The following USP25 variants were observed in gnomAD, a reference collection of about 807,000 sequenced individuals.
USP25 encodes the protein ubiquitin specific peptidase 25, also known as ubiquitin carboxyl-terminal hydrolase 25.
Under a neutral mutation model 158.5 loss-of-function variants are expected in USP25, and 85 were observed. That is an observed-to-expected ratio of 0.54 (90% confidence interval 0.45 to 0.64). The LOEUF is 0.64. Among genes scored for constraint, USP25 ranks in the 30% least tolerant of loss-of-function variants. The pLI is 0.00. For missense variants in USP25, 1,242 were observed against 1,327.3 expected (o/e 0.94, Z 1.00); for synonymous variants, 464 against 460.4 (o/e 1.01, Z -0.10).
At chr21:15,799,056 C>T (rs2036001469) in intron 5 of USP25, among the ~76,000 whole-genome samples, 2 of 151,122 alleles carry the variant, frequency 1.3e-5, no homozygotes, top group South Asian at 4.1e-4. Context: ...CAAGAAAATA[C>T]TCTGATGTAT....
intron 2 of USP25, among the ~76,000 whole-genome samples, chr21:15,763,719 GTTCT>G (rs1203450062): frequency 3.3e-5 from 5 of 152,092 alleles, no homozygotes; most frequent in African/African-American, 2.4e-5. Context: ...CAAGCCTAGA[GTTCT>G]TTATTTGTTT....
intron 10 of USP25, among the ~76,000 whole-genome samples, chr21:15,820,419 T>G (rs1235116488): frequency 6.6e-6 from 1 of 151,958 alleles, no homozygotes; most frequent in Non-Finnish European, 1.5e-5. Context: ...GCCCCTATGT[T>G]GCAATATAAA....
Position 15,866,513 on chromosome 21 carries a change from G to A in USP25, c.2805+169G>A, listed in dbSNP as rs142310828. 1.8e-4 allele frequency among the ~76,000 whole-genome samples: 28 copies of A among 152,072 alleles called. No individual in the cohort carries two copies. In the East Asian group the frequency reaches 5.4e-3, roughly 29 times the overall value. On this transcript the variant is annotated intron_variant, in intron 22 of 25. Coordinates refer to ENST00000400183, the MANE Select transcript of USP25 (RefSeq NM_001283041.3). Reference sequence around the variant, plus strand: ...TTAATAATTTTATATGTGATTTTAGGATTAACATGATATGATAGCATGTAG... The same window carrying A: ...TTAATAATTTTATATGTGATTTTAGAATTAACATGATATGATAGCATGTAG...
chr21:15,784,124 A>C (rs1005542081), intron 4 of USP25, among the ~76,000 whole-genome samples: 2 of 152,242 alleles, frequency 1.3e-5, no homozygotes, highest in African/African-American at 4.8e-5. Flanking sequence ...TGAAAATACA[A>C]AACTCATCAA....
At chr21:15,842,569 CA>C in intron 18 of USP25, 29 bp downstream of exon 18, 1 of 1,610,014 alleles carries the variant, frequency 6.2e-7, no homozygotes, top group Non-Finnish European at 8.5e-7. Flanking sequence ...GCTCTCTGAA[CA>C]TAGCCATGGT....
At position 15,780,230 on chromosome 21, in the gene USP25, A is replaced by T. The variant is rs73892534; in HGVS notation, c.392+2203A>T. 8.9e-3 allele frequency among the ~76,000 whole-genome samples: 1,361 copies of T among 152,310 alleles called. 19 individuals are homozygous for T. Among genetic ancestry groups the T allele is most frequent in the African/African-American group, 0.03 (1,259 of 41,576 alleles). On this transcript the variant is annotated intron_variant, in intron 4 of 25. Transcript: ENST00000400183. The stretch of plus-strand genomic sequence containing the variant: ...ATGTGAAGTTACACATTAGGATACT[A>T]CATTGTGTGTAATTTGATGAGATAA...
intron 1 of USP25, among the ~76,000 whole-genome samples, chr21:15,738,710 C>T (rs929258792): frequency 6.6e-6 from 1 of 151,988 alleles, no homozygotes; most frequent in Admixed American, 6.6e-5. Context: ...TGTCTTATGC[C>T]CAATTTCTGC....
chr21:15,826,923 G>T lies in USP25; in HGVS notation c.1467-54G>T. 4 of 1,581,234 alleles carry T rather than the reference G, an allele frequency of 2.5e-6. No homozygotes were observed. Among genetic ancestry groups the T allele is most frequent in the East Asian group, 2.2e-5 (1 of 44,634 alleles). On this transcript the variant is annotated intron_variant, in intron 13 of 25. Coordinates refer to ENST00000400183, the MANE Select transcript of USP25 (RefSeq NM_001283041.3). The surrounding 1 kb of genome is among the most constrained non-coding windows in gnomAD (Gnocchi z 4.8). ...ATACTGTGGGTTTGGCACGATCTTT[G>T]TCAAGAGTTTCAGCTTGAAAGGTTA...
rs772685606 is a variant in USP25, at chr21:15,861,731, C to T, written c.2548-2537C>T. On this transcript the variant is annotated intron_variant, in intron 20 of 25. Transcript: ENST00000400183. The stretch of plus-strand genomic sequence containing the variant: ...AATGTTTTTTTGTATGTTTGAAAAA[C>T]AGCTTCTAGAAATTTAGAAGGTAAT... Among the ~76,000 whole-genome samples the T allele has an allele frequency of 6.4e-4, 98 of 152,010 alleles. 1 individual carries two copies. Among genetic ancestry groups the T allele is most frequent in the Non-Finnish European group, 2.2e-4 (15 of 67,944 alleles).
chr21:15,838,831 G>C (rs1029996310), intron 17 of USP25, among the ~76,000 whole-genome samples: 5 of 152,142 alleles, frequency 3.3e-5, no homozygotes, highest in African/African-American at 1.2e-4. Flanking sequence ...TGGTGGTAAA[G>C]TTGACCTTCT....
At chr21:15,762,664 T>TA (rs2033799695) in intron 1 of USP25, among the ~76,000 whole-genome samples, 1 of 152,160 alleles carries the variant, frequency 6.6e-6, no homozygotes, top group South Asian at 2.1e-4. Context: ...GTAGAGAAGT[T>TA]ACCTTTTCGA....
At chr21:15,855,949 C>G (rs1473651061) in intron 20 of USP25, among the ~76,000 whole-genome samples, 1 of 152,216 alleles carries the variant, frequency 6.6e-6, no homozygotes, top group Non-Finnish European at 1.5e-5. Context: ...TTTTACTCAA[C>G]AGTGTGTTTG....
chr21:15,833,071 T>C (rs2037889892), intron 16 of USP25, among the ~76,000 whole-genome samples: 1 of 152,056 alleles, frequency 6.6e-6, no homozygotes, highest in Non-Finnish European at 1.5e-5. Flanking sequence ...TTGTATTTTC[T>C]GTCACTTCTA....
At chr21:15,858,397 C>G (rs2039262059) in intron 20 of USP25, among the ~76,000 whole-genome samples, 1 of 151,146 alleles carries the variant, frequency 6.6e-6, no homozygotes, top group East Asian at 1.9e-4. Context: ...AGTCTTATGT[C>G]CTTTTGTTTA....
chr21:15,746,786 G>A (rs868621101), intron 1 of USP25, among the ~76,000 whole-genome samples: 6 of 152,226 alleles, frequency 3.9e-5, no homozygotes, highest in South Asian at 2.1e-4. Flanking sequence ...GCGACTTTGC[G>A]AAATTCACTT....
At chr21:15,822,628 G>A (rs552385210) in intron 10 of USP25, among the ~76,000 whole-genome samples, 1 of 152,050 alleles carries the variant, frequency 6.6e-6, no homozygotes, top group East Asian at 1.9e-4. Context: ...AAATGGAGCA[G>A]AGAATATTAT....
In USP25 at chr21:15,879,153, G is replaced by GT; in HGVS notation, c.*679dup. ...TGAATTCAGTCAGGTTTTTACTCAAGTAAGTGGTTGATTTTTTTTAAGTCA... is the reference window on the plus strand; with the variant it reads ...TGAATTCAGTCAGGTTTTTACTCAAGTTAAGTGGTTGATTTTTTTTAAGTCA... On this transcript the variant is annotated 3_prime_UTR_variant, in exon 26 of 26. Coordinates refer to ENST00000400183, the MANE Select transcript of USP25 (RefSeq NM_001283041.3). 1 of 152,560 alleles carries GT rather than the reference G, an allele frequency of 6.6e-6. No individual in the cohort carries two copies. Among genetic ancestry groups the GT allele is most frequent in the Middle Eastern group, 3.4e-3 (1 of 294 alleles). The allele number at this position is 152,560 out of a possible 1,614,324, so 9.5% of individuals were successfully genotyped here.
chr21:15,730,470 C>A, intron 1 of USP25, 32 bp downstream of exon 1: 1 of 1,330,836 alleles, frequency 7.5e-7, no homozygotes, highest in African/African-American at 1.5e-5. Flanking sequence ...GCGGGCCCCA[C>A]TTCTCCTTCC....
At position 15,879,839 on chromosome 21, in the gene USP25, TGTACTA is replaced by T. The variant is rs1568926019; in HGVS notation, c.*1368_*1373del. 6.6e-6 allele frequency: 1 copy of T among 152,550 alleles called. No individual in the cohort carries two copies. The highest frequency in any genetic ancestry group is 2.4e-5 in the African/African-American group (1 of 41,462). 9.4% of individuals were successfully genotyped at this position (152,550 alleles called of 1,614,324 possible). On this transcript the variant is annotated 3_prime_UTR_variant, in exon 26 of 26. Transcript: ENST00000400183. Reference sequence around the variant, plus strand: ...ATGATGCTGTTTGTAAAGGTATTAATGTACTAGTAAGGTGTTAATGACAAGGAATTA... The same window carrying T: ...ATGATGCTGTTTGTAAAGGTATTAATGTAAGGTGTTAATGACAAGGAATTA...
Sources: allele counts gnomAD v4.1 joint callset (sites outside exome capture counted in the v4.1 genomes callset), GRCh38; gene constraint gnomAD v4.1.1; non-coding constraint Gnocchi (gnomAD v3.1); transcripts MANE v1.5; gene names NCBI Gene and HGNC (gene_info 2026-07-23, HGNC 2026-07-21).